Variants in ZNF385B observed in about 807,000 individuals in gnomAD.
The protein encoded by ZNF385B is zinc finger protein 533.
In ZNF385B, 23 loss-of-function variants were observed where a neutral mutation model predicts 39.2. The ratio of observed to expected loss-of-function variants is 0.59; its 90% CI spans 0.42 to 0.83. ZNF385B has a LOEUF of 0.83. Ranked by LOEUF, ZNF385B falls within the 40% of genes least tolerant of loss-of-function variation. The pLI is 0.00. For missense variants in ZNF385B, 552 were observed against 598.9 expected, an observed-to-expected ratio of 0.92 and a Z score of 0.82; for synonymous variants, 205 against 222.6, an observed-to-expected ratio of 0.92 and a Z score of 0.70.
At chr2:179,680,538 C>T (rs1295279571) in intron 3 of ZNF385B, among the ~76,000 whole-genome samples, 1 of 152,012 alleles carries the variant, frequency 6.6e-6, no homozygotes, top group Non-Finnish European at 1.5e-5. Flanking sequence ...TGGTAATGTT[C>T]TATTTCTTGA....
At chr2:179,633,244 C>T (rs1187102698) in intron 3 of ZNF385B, among the ~76,000 whole-genome samples, 1 of 152,096 alleles carries the variant, frequency 6.6e-6, no homozygotes, top group Non-Finnish European at 1.5e-5. Flanking sequence ...GGCAGAGACA[C>T]ACCAAATAAA....
chr2:179,642,871 T>C (rs901028957), intron 3 of ZNF385B, among the ~76,000 whole-genome samples: 5 of 152,314 alleles, frequency 3.3e-5, no homozygotes, highest in Admixed American at 3.3e-4. Context: ...CTATTTTGAA[T>C]ATTCTGTGTG....
At chr2:179,752,823 C>A (rs1702764627) in intron 3 of ZNF385B, among the ~76,000 whole-genome samples, 1 of 151,962 alleles carries the variant, frequency 6.6e-6, no homozygotes, top group Non-Finnish European at 1.5e-5. Flanking sequence ...TTTGTAGATT[C>A]TGGATATTAG....
At position 179,554,075 on chromosome 2, in the gene ZNF385B, G is replaced by A. The variant is rs575093143; in HGVS notation, c.299-9106C>T. 3.5e-4 allele frequency among the ~76,000 whole-genome samples: 52 copies of A among 148,912 alleles called. 6 individuals are homozygous for A. Among genetic ancestry groups the A allele is most frequent in the African/African-American group, 1.3e-3 (51 of 39,542 alleles). On this transcript the variant is annotated intron_variant, in intron 3 of 9. Coordinates refer to ENST00000410066, the MANE Select transcript of ZNF385B (RefSeq NM_152520.6). ...AGTAGCTATATCATAGGATGGGTGG[G>A]AAAACTAACTGAGGTTTTTCTATGC...
At chr2:179,622,801 T>G (rs551853839) in intron 3 of ZNF385B, among the ~76,000 whole-genome samples, 3 of 152,266 alleles carry the variant, frequency 2.0e-5, no homozygotes, top group African/African-American at 7.2e-5. Context: ...TTGCCTGTAC[T>G]CTGAAAGAGA....
intron 3 of ZNF385B, among the ~76,000 whole-genome samples, chr2:179,549,838 A>G (rs1559458458): frequency 6.7e-6 from 1 of 149,254 alleles, no homozygotes; most frequent in Non-Finnish European, 1.5e-5. Context: ...ACAGAGTAGC[A>G]TTCAGCAAAA....
At chr2:179,516,968 G>A (rs62179169) in intron 5 of ZNF385B, among the ~76,000 whole-genome samples, 9,102 of 151,694 alleles carry the variant, frequency 0.06, 399 homozygotes, top group South Asian at 0.12. Context: ...ATATGAATAC[G>A]TACTTCTTCT....
chr2:179,852,394 T>C (rs1202987368), intron 1 of ZNF385B, among the ~76,000 whole-genome samples: 1 of 152,130 alleles, frequency 6.6e-6, no homozygotes, highest in Non-Finnish European at 1.5e-5. Context: ...CGGTGAGTCA[T>C]GGAGGCAAAG....
Position 179,768,333 on chromosome 2 carries a change from A to AT in ZNF385B, c.298+1169dup, listed in dbSNP as rs539104952. Among the ~76,000 whole-genome samples the AT allele has an allele frequency of 1.3e-3, 204 of 152,318 alleles. 5 individuals carry two copies. In the South Asian group the frequency reaches 0.041, roughly 30 times the overall value. On this transcript the variant is annotated intron_variant, in intron 3 of 9. Transcript: ENST00000410066. Reference sequence around the variant, plus strand: ...ATTATAATAAATAGAAAATGGAAAAATAATTTTTCTACTATTATAAGTGTG... The same window carrying AT: ...ATTATAATAAATAGAAAATGGAAAAATTAATTTTTCTACTATTATAAGTGTG...
intron 3 of ZNF385B, among the ~76,000 whole-genome samples, chr2:179,583,430 G>A (rs1196760995): frequency 6.6e-6 from 1 of 152,052 alleles, no homozygotes; most frequent in African/African-American, 2.4e-5. Flanking sequence ...ATTTATTGAG[G>A]ACTTGCTATA....
intron 3 of ZNF385B, among the ~76,000 whole-genome samples, chr2:179,690,283 T>C (rs1165133801): frequency 6.6e-6 from 1 of 152,148 alleles, no homozygotes; most frequent in Non-Finnish European, 1.5e-5. Context: ...ATTATCTTCA[T>C]GTGAACTCGG....
In ZNF385B at chr2:179,739,404, T is replaced by C. The variant is rs140439457; in HGVS notation, c.298+30099A>G. ...TAGAGGGATATAAAGCACTGCCAAG[T>C]CTTTTGAGTCTTAAGCTGTTGCTTG... On this transcript the variant is annotated intron_variant, in intron 3 of 9. Coordinates refer to ENST00000410066, the MANE Select transcript of ZNF385B (RefSeq NM_152520.6). 3.9e-3 allele frequency among the ~76,000 whole-genome samples: 587 copies of C among 152,250 alleles called. 3 individuals are homozygous for C. Among genetic ancestry groups the C allele is most frequent in the Non-Finnish European group, 6.5e-3 (441 of 68,010 alleles).
intron 4 of ZNF385B, among the ~76,000 whole-genome samples, chr2:179,534,539 T>C (rs1574655428): frequency 6.6e-6 from 1 of 152,264 alleles, no homozygotes; most frequent in Admixed American, 6.5e-5. Flanking sequence ...ATAAATATAA[T>C]AAACTCAAAT....
intron 3 of ZNF385B, among the ~76,000 whole-genome samples, chr2:179,691,300 A>G (rs1256359763): frequency 6.6e-6 from 1 of 152,170 alleles, no homozygotes; most frequent in Admixed American, 6.5e-5. Context: ...TACAGTGAAC[A>G]TTCTTGAGAA....
Position 179,575,762 on chromosome 2 carries a change from C to A in ZNF385B, c.299-30793G>T, listed in dbSNP as rs115356265. On this transcript the variant is annotated intron_variant, in intron 3 of 9. Coordinates refer to ENST00000410066, the MANE Select transcript of ZNF385B (RefSeq NM_152520.6). ...ATGAAGAATAAGTGGTAGTTATGCC[C>A]AAGTGTTTTGGTATTCTTAAAAGAC... 8.5e-3 allele frequency among the ~76,000 whole-genome samples: 1,285 copies of A among 151,680 alleles called. 19 individuals are homozygous for A. The highest frequency in any genetic ancestry group is 0.03 in the African/African-American group (1,235 of 41,322).
chr2:179,820,910 TA>T (rs1408906821), intron 1 of ZNF385B, among the ~76,000 whole-genome samples: 1 of 152,198 alleles, frequency 6.6e-6, no homozygotes, highest in Non-Finnish European at 1.5e-5. Flanking sequence ...CATTATTAGC[TA>T]TTGGTAAGTC....
chr2:179,847,864 T>C (rs1708877778), intron 1 of ZNF385B, among the ~76,000 whole-genome samples: 1 of 152,254 alleles, frequency 6.6e-6, no homozygotes, highest in Non-Finnish European at 1.5e-5. Flanking sequence ...TATGCTGTTA[T>C]TTGTTATAAT....
intron 3 of ZNF385B, among the ~76,000 whole-genome samples, chr2:179,622,069 C>G (rs1034433603): frequency 2.0e-5 from 3 of 152,082 alleles, no homozygotes; most frequent in African/African-American, 7.2e-5. Flanking sequence ...CTCAGCCTGG[C>G]CACCATTTGC....
chr2:179,605,385 T>A (rs1688720981), intron 3 of ZNF385B, among the ~76,000 whole-genome samples: 1 of 152,122 alleles, frequency 6.6e-6, no homozygotes, highest in Non-Finnish European at 1.5e-5. Flanking sequence ...TTTCTAAATG[T>A]GAAAAAAACT....
Sources: allele counts gnomAD v4.1 joint callset (sites outside exome capture counted in the v4.1 genomes callset), GRCh38; gene constraint gnomAD v4.1.1; transcripts MANE v1.5; gene names NCBI Gene and HGNC (gene_info 2026-07-23, HGNC 2026-07-21).